The following GRIK2 variants were observed in gnomAD, a reference collection of about 807,000 sequenced individuals.
The protein encoded by GRIK2 is glutamate receptor ionotropic, kainate 2.
In GRIK2, 32 loss-of-function variants were observed where a neutral mutation model predicts 100.3. The ratio of observed to expected loss-of-function variants is 0.32; its 90% CI spans 0.24 to 0.43. The LOEUF is 0.43. Among genes scored for constraint, GRIK2 ranks in the 20% least tolerant of loss-of-function variants. The pLI is 1.00. For synonymous variants in GRIK2, 417 were observed against 389.4 expected (o/e 1.07, Z -0.83); for missense variants, 843 against 1,114.9 (o/e 0.76, Z 3.47).
intron 4 of GRIK2, among the ~76,000 whole-genome samples, chr6:101,666,298 C>T (rs1770025116): frequency 6.6e-6 from 1 of 152,180 alleles, no homozygotes; most frequent in Non-Finnish European, 1.5e-5. Flanking sequence ...GTGGACAGTG[C>T]TCACTTCTTC....
intron 12 of GRIK2, chr6:101,890,393 T>C (rs1786970902): frequency 6.6e-6 from 1 of 152,372 alleles, no homozygotes; most frequent in African/African-American, 2.4e-5. Context: ...AAGTACTTTA[T>C]TGTCATTGAC....
chr6:101,902,789 C>T (rs1198912503), intron 12 of GRIK2, among the ~76,000 whole-genome samples: 2 of 151,720 alleles, frequency 1.3e-5, no homozygotes. Context: ...AATTTAGTTG[C>T]AATATTATAA....
At chr6:101,542,605 A>T (rs904009079) in intron 2 of GRIK2, among the ~76,000 whole-genome samples, 41 of 152,214 alleles carry the variant, frequency 2.7e-4, no homozygotes, top group African/African-American at 9.4e-4. Flanking sequence ...TATTTAAAAT[A>T]TTATGCATTA....
Position 101,764,832 on chromosome 6 carries a change from AAC to A in GRIK2, c.952-34813_952-34812del, listed in dbSNP as rs1304044291. On this transcript the variant is annotated intron_variant, in intron 7 of 16. Transcript: ENST00000369134. ...AATCTGATCATTTCTGTCCTCTGAAAACACTTTAATATCTTCCACTCATCCTA... is the reference window on the plus strand; with the variant it reads ...AATCTGATCATTTCTGTCCTCTGAAAACTTTAATATCTTCCACTCATCCTA... Among the ~76,000 whole-genome samples the A allele has an allele frequency of 3.9e-5, 6 of 152,232 alleles. No individual in the cohort carries two copies. The South Asian group carries it at 1.2e-3, about 32-fold the overall frequency.
chr6:101,685,849 A>G (rs533986082), intron 6 of GRIK2, among the ~76,000 whole-genome samples: 2 of 152,296 alleles, frequency 1.3e-5, no homozygotes, highest in East Asian at 3.9e-4. Flanking sequence ...TTAAAGCAAA[A>G]TATTAACACA....
intron 3 of GRIK2, 28 bp from the exon 4 acceptor site, chr6:101,626,349 CATT>C (rs1390723811): frequency 6.3e-7 from 1 of 1,590,376 alleles, no homozygotes; most frequent in Non-Finnish European, 8.6e-7. Flanking sequence ...CCTCTCCTCT[CATT>C]ATTGACAGAC....
intron 14 of GRIK2, among the ~76,000 whole-genome samples, chr6:102,008,684 T>C (rs929847430): frequency 2.6e-5 from 4 of 152,144 alleles, no homozygotes; most frequent in Non-Finnish European, 1.5e-5. Flanking sequence ...TCTAACAGTA[T>C]TTATCTGATC....
chr6:101,730,141 A>G (rs1287844597), intron 7 of GRIK2, among the ~76,000 whole-genome samples: 1 of 151,988 alleles, frequency 6.6e-6, no homozygotes, highest in African/African-American at 2.4e-5. Context: ...TTACTTTGGC[A>G]GAATCTAGAT....
At chr6:101,933,641 A>C (rs1035448178) in intron 14 of GRIK2, among the ~76,000 whole-genome samples, 6 of 151,882 alleles carry the variant, frequency 4.0e-5, no homozygotes, top group Non-Finnish European at 8.8e-5. Context: ...GCTTTTCTTT[A>C]TTGCAGCACC....
At position 102,032,710 on chromosome 6, in the gene GRIK2, G is replaced by C. The variant is rs545890571; in HGVS notation, c.2086-2631G>C. 7.2e-4 allele frequency among the ~76,000 whole-genome samples: 109 copies of C among 151,258 alleles called. 1 individual carries two copies. Among genetic ancestry groups the C allele is most frequent in the African/African-American group, 2.5e-3 (104 of 41,372 alleles). ...ATGCATTTTGAGTTTTTGTTTTGTT[G>C]CATTTGTAAAATATTTCTTACCACT... On this transcript the variant is annotated intron_variant, in intron 14 of 16. Transcript: ENST00000369134.
chr6:101,417,178 A>T (rs1488268102), intron 2 of GRIK2, among the ~76,000 whole-genome samples: 3 of 152,224 alleles, frequency 2.0e-5, no homozygotes, highest in Non-Finnish European at 4.4e-5. Context: ...ATCAGATCTC[A>T]TGAGACTTAT....
chr6:101,760,636 A>ATAATTATATATAATTATATGTT (rs1330587948), intron 7 of GRIK2, among the ~76,000 whole-genome samples: 1 of 106,508 alleles, frequency 9.4e-6, no homozygotes, highest in Non-Finnish European at 1.8e-5. Context: ...TTAATTATAT[A>ATAATTATATATAATTATATGTT]TAATTATATA....
chr6:101,865,615 C>T (rs1351521330), intron 11 of GRIK2, among the ~76,000 whole-genome samples: 6 of 152,058 alleles, frequency 3.9e-5, no homozygotes, highest in Non-Finnish European at 7.4e-5. Flanking sequence ...GGCTAGGCGT[C>T]GTGACTCACA....
intron 2 of GRIK2, among the ~76,000 whole-genome samples, chr6:101,584,829 C>T (rs1208960205): frequency 4.1e-5 from 1 of 24,354 alleles, no homozygotes; most frequent in Admixed American, 6.4e-4. Flanking sequence ...ACTATGTACA[C>T]ACATACACAT....
chr6:101,640,214 G>T (rs1781221405), intron 4 of GRIK2, among the ~76,000 whole-genome samples: 2 of 152,168 alleles, frequency 1.3e-5, no homozygotes, highest in South Asian at 4.1e-4. Context: ...TAACTCTAGA[G>T]TTATATTCAG....
At chr6:101,691,861 G>C (rs1348148042) in intron 7 of GRIK2, among the ~76,000 whole-genome samples, 1 of 151,876 alleles carries the variant, frequency 6.6e-6, no homozygotes, top group African/African-American at 2.4e-5. Context: ...CATCCACTAA[G>C]GTGACACAAG....
At chr6:101,987,542 A>G (rs1017643308) in intron 14 of GRIK2, among the ~76,000 whole-genome samples, 1 of 151,410 alleles carries the variant, frequency 6.6e-6, no homozygotes, top group Non-Finnish European at 1.5e-5. Flanking sequence ...TTAAACATAT[A>G]GGATTAATTA....
At chr6:101,757,689 G>C (rs557666026) in intron 7 of GRIK2, among the ~76,000 whole-genome samples, 7 of 152,100 alleles carry the variant, frequency 4.6e-5, no homozygotes, top group Non-Finnish European at 8.8e-5. Flanking sequence ...AGTTACTAAG[G>C]CCTCTCTTTC....
At chr6:101,765,489 T>C (rs1043896872) in intron 7 of GRIK2, among the ~76,000 whole-genome samples, 7 of 152,110 alleles carry the variant, frequency 4.6e-5, no homozygotes, top group African/African-American at 1.7e-4. Flanking sequence ...ACATCATTTT[T>C]TTTTCTAGGA....
Sources: gnomAD v4.1 joint callset for allele counts (sites outside exome capture counted in the v4.1 genomes callset) on GRCh38, gnomAD v4.1.1 for gene constraint, MANE v1.5 for transcripts, NCBI Gene and HGNC (gene_info 2026-07-23, HGNC 2026-07-21) for gene names.